The following DTNA variants were observed in gnomAD, a reference collection of about 807,000 sequenced individuals.
DTNA encodes the protein dystrophin-related protein 3.
In DTNA, 43 loss-of-function variants were observed where a neutral mutation model predicts 100.7. That is an observed-to-expected ratio of 0.43 (90% CI 0.33 to 0.55). The LOEUF (loss-of-function observed/expected upper bound fraction) is 0.55. DTNA is among the 20% of genes least tolerant of loss of function. The probability of loss-of-function intolerance (pLI) is 0.04; values close to 1 mark genes in which losing one functional copy is unlikely to be tolerated. For synonymous variants in DTNA, 349 were observed against 347.9 expected (o/e 1.00, Z -0.04); for missense variants, 798 against 953.9 (o/e 0.84, Z 2.15).
At chr18:34,606,001 TTTATG>T (rs2053017221) in intron 1 of DTNA, among the ~76,000 whole-genome samples, 1 of 152,142 alleles carries the variant, frequency 6.6e-6, no homozygotes, top group African/African-American at 2.4e-5. Context: ...TAAAAAACAA[TTTATG>T]TACTATTAAT....
At position 34,699,843 on chromosome 18, in the gene DTNA, C is replaced by T. The variant is rs1029853656; in HGVS notation, c.-1-56133C>T. 2.6e-5 allele frequency among the ~76,000 whole-genome samples: 4 copies of T among 151,620 alleles called. No homozygotes were observed. In the East Asian group the frequency reaches 7.7e-4, roughly 29 times the overall value. On this transcript the variant is annotated intron_variant, in intron 1 of 19. Coordinates refer to the DTNA transcript ENST00000283365. Reference sequence around the variant, plus strand: ...GTCTATGCTTTGTATTTTCAAGCAACAAAAAGCAAAGCAAAACAAAACAAA... The same window carrying T: ...GTCTATGCTTTGTATTTTCAAGCAATAAAAAGCAAAGCAAAACAAAACAAA...
intron 3 of DTNA, among the ~76,000 whole-genome samples, chr18:34,781,055 C>A (rs1364688742): frequency 3.3e-5 from 5 of 152,162 alleles, no homozygotes; most frequent in Admixed American, 2.0e-4. Flanking sequence ...GAGGCTGAGG[C>A]CAGCCATTGT....
At chr18:34,688,363 C>T (rs2079212613) in intron 1 of DTNA, among the ~76,000 whole-genome samples, 1 of 152,142 alleles carries the variant, frequency 6.6e-6, no homozygotes, top group Non-Finnish European at 1.5e-5. Context: ...TTAGTATTTG[C>T]TTGTCTGTAA....
intron 1 of DTNA, among the ~76,000 whole-genome samples, chr18:34,586,353 A>G (rs1342693147): frequency 6.6e-6 from 1 of 151,892 alleles, no homozygotes; most frequent in Non-Finnish European, 1.5e-5. Context: ...GTGAAGTCCT[A>G]GTTACTTTGA....
At chr18:34,567,906 T>C (rs1017942559) in intron 1 of DTNA, among the ~76,000 whole-genome samples, 2 of 152,354 alleles carry the variant, frequency 1.3e-5, no homozygotes, top group East Asian at 1.9e-4. Context: ...AATGTCACTA[T>C]CAAGTATGTT....
rs569258368 is a variant in DTNA at position 34,650,182 on chromosome 18, C to T, written c.-1-105794C>T. Among the ~76,000 whole-genome samples, 10 of 152,162 alleles carry T rather than the reference C, an allele frequency of 6.6e-5. 1 individual carries two copies. Among genetic ancestry groups the T allele is most frequent in the Non-Finnish European group, 1.3e-4 (9 of 68,026 alleles). ...GATCTCTGATTACACTGCTTTCTGG[C>T]ACCTGGCACCTGAAAATCTTCACTT... On this transcript the variant is annotated intron_variant, in intron 1 of 19. Transcript: ENST00000283365.
chr18:34,542,219 G>T (rs1265479683), intron 1 of DTNA, among the ~76,000 whole-genome samples: 1 of 151,958 alleles, frequency 6.6e-6, no homozygotes, highest in Non-Finnish European at 1.5e-5. Context: ...ACTAAATTTA[G>T]ATTTAGTGAA....
intron 1 of DTNA, among the ~76,000 whole-genome samples, chr18:34,677,528 A>G (rs754737516): frequency 1.2e-4 from 19 of 152,282 alleles, no homozygotes; most frequent in Admixed American, 2.0e-4. Flanking sequence ...TTATATACAT[A>G]GATATAGCCT....
chr18:34,624,320 TGAG>T (rs2056997066), intron 1 of DTNA, among the ~76,000 whole-genome samples: 1 of 152,200 alleles, frequency 6.6e-6, no homozygotes. Flanking sequence ...AATCTTATGC[TGAG>T]AACTGAGTAA....
At chr18:34,736,647 A>C (rs2089653263) in intron 1 of DTNA, among the ~76,000 whole-genome samples, 1 of 152,176 alleles carries the variant, frequency 6.6e-6, no homozygotes, top group Admixed American at 6.5e-5. Context: ...ACTTCTTAGG[A>C]TTAAAAGACA....
Position 34,879,696 on chromosome 18 carries a change from C to A in DTNA, c.2139C>A (p.Thr713=). 1 of 1,613,984 alleles carries A rather than the reference C, an allele frequency of 6.2e-7. No homozygotes were observed. Among genetic ancestry groups the A allele is most frequent in the Non-Finnish European group, 8.5e-7 (1 of 1,179,984 alleles). ...CTGGGTACATTCACAGTGGAGCTACCACAAGTACCATGCGTGGCGACATGT... is the reference window on the plus strand; with the variant it reads ...CTGGGTACATTCACAGTGGAGCTACAACAAGTACCATGCGTGGCGACATGT... ...RKPGYIHSGA[T]TSTMRGDMVT... The change falls in exon 20 of 23, where the codon ACC becomes ACA. Residue 713 remains threonine, a synonymous_variant. Coordinates refer to ENST00000444659, the MANE Select transcript of DTNA (RefSeq NM_001386795.1).
At chr18:34,589,375 G>A (rs1289768217) in intron 1 of DTNA, among the ~76,000 whole-genome samples, 8 of 152,116 alleles carry the variant, frequency 5.3e-5, no homozygotes, top group Non-Finnish European at 1.0e-4. Context: ...TCAGGAGGCC[G>A]AGGCGGGTGG....
At chr18:34,531,341 C>G (rs2043120649) in intron 1 of DTNA, among the ~76,000 whole-genome samples, 1 of 152,086 alleles carries the variant, frequency 6.6e-6, no homozygotes, top group Non-Finnish European at 1.5e-5. Context: ...GTCATTGTTT[C>G]CTTATCTCTC....
chr18:34,650,584 T>C (rs1358636562), intron 1 of DTNA, among the ~76,000 whole-genome samples: 1 of 152,160 alleles, frequency 6.6e-6, no homozygotes, highest in Non-Finnish European at 1.5e-5. Flanking sequence ...GAAAATTCAG[T>C]TTCTTAGCCT....
chr18:34,722,508 A>G (rs1424523135), intron 1 of DTNA, among the ~76,000 whole-genome samples: 1 of 152,152 alleles, frequency 6.6e-6, no homozygotes, highest in Non-Finnish European at 1.5e-5. Flanking sequence ...AATAGAAAAT[A>G]TACAGGAATT....
intron 1 of DTNA, among the ~76,000 whole-genome samples, chr18:34,689,940 A>G (rs1488537699): frequency 6.6e-6 from 1 of 152,128 alleles, no homozygotes; most frequent in African/African-American, 2.4e-5. Context: ...CTTTGTTTAC[A>G]CTGTGAGAGG....
At chr18:34,661,705 C>G (rs1416794438) in intron 1 of DTNA, among the ~76,000 whole-genome samples, 2 of 152,138 alleles carry the variant, frequency 1.3e-5, no homozygotes, top group East Asian at 1.9e-4. Flanking sequence ...AGGCGCCTCT[C>G]CATCCACTGT....
chr18:34,676,061 G>A (rs1030609663), intron 1 of DTNA, among the ~76,000 whole-genome samples: 2 of 152,174 alleles, frequency 1.3e-5, no homozygotes, highest in Admixed American at 1.3e-4. Flanking sequence ...CTCTTCTCCA[G>A]TCTAATATTT....
intron 1 of DTNA, among the ~76,000 whole-genome samples, chr18:34,690,491 G>A (rs1158643853): frequency 1.3e-5 from 2 of 152,290 alleles, no homozygotes; most frequent in South Asian, 2.1e-4. Context: ...CCATTGAGAT[G>A]AACTGGGTAC....
Sources: gnomAD v4.1 joint callset for allele counts (sites outside exome capture counted in the v4.1 genomes callset) on GRCh38, gnomAD v4.1.1 for gene constraint, MANE v1.5 for transcripts, NCBI Gene and HGNC (gene_info 2026-07-23, HGNC 2026-07-21) for gene names.